Variants in SGIP1 observed in about 807,000 individuals in gnomAD.
SGIP1 encodes the protein SH3-containing GRB2-like protein 3-interacting protein 1.
In SGIP1, 38 loss-of-function variants were observed where a neutral mutation model predicts 107.5. The ratio of observed to expected loss-of-function variants is 0.35; its 90% CI spans 0.27 to 0.46. The LOEUF (loss-of-function observed/expected upper bound fraction) is 0.46, where lower values mean the gene tolerates loss of function less well. Among genes scored for constraint, SGIP1 ranks in the 20% least tolerant of loss-of-function variants. SGIP1 has a pLI of 1.00. For missense variants in SGIP1, 929 were observed against 1,019.5 expected, an observed-to-expected ratio of 0.91 and a Z score of 1.21; for synonymous variants, 365 against 366.1, an observed-to-expected ratio of 1.00 and a Z score of 0.03.
chr1:66,705,869 G>A (rs796541216), intron 18 of SGIP1, among the ~76,000 whole-genome samples: 11 of 152,090 alleles, frequency 7.2e-5, no homozygotes, highest in East Asian at 1.9e-4. Flanking sequence ...GGGGCCTGTC[G>A]GGAGTTGGGA....
chr1:66,620,013 A>C (rs2070534337), intron 1 of SGIP1, among the ~76,000 whole-genome samples: 1 of 152,230 alleles, frequency 6.6e-6, no homozygotes, highest in African/African-American at 2.4e-5. Flanking sequence ...GGTTTCCTCT[A>C]AACAATTCTC....
At chr1:66,695,593 T>C in intron 18 of SGIP1, 100 bp downstream of exon 18, 2 of 1,127,880 alleles carry the variant, frequency 1.8e-6, no homozygotes, top group Non-Finnish European at 2.5e-6. Flanking sequence ...AAAGTTCTGG[T>C]CTCACTTTCT....
rs547959054 is a variant in SGIP1 at position 66,557,078 on chromosome 1, C to G, written c.10+22710C>G. Among the ~76,000 whole-genome samples, 162 of 152,162 alleles carry G rather than the reference C, an allele frequency of 1.1e-3. 5 individuals carry two copies. The South Asian group carries it at 0.033, about 31-fold the overall frequency. On this transcript the variant is annotated intron_variant, in intron 1 of 24. Coordinates refer to ENST00000371037, the MANE Select transcript of SGIP1 (RefSeq NM_032291.4). The stretch of plus-strand genomic sequence containing the variant: ...CCCTGAGATGTGACTATGAATCATC[C>G]ACTTAGGGATGCAGAGGTTTAGGTG...
chr1:66,624,605 G>A (rs1026835698), intron 1 of SGIP1, among the ~76,000 whole-genome samples: 1 of 152,154 alleles, frequency 6.6e-6, no homozygotes, highest in African/African-American at 2.4e-5. Context: ...TAGTCTGAGT[G>A]GTTTGGGCTG....
At chr1:66,563,984 C>G (rs1439008602) in intron 1 of SGIP1, among the ~76,000 whole-genome samples, 1 of 151,982 alleles carries the variant, frequency 6.6e-6, no homozygotes, top group Non-Finnish European at 1.5e-5. Context: ...TTGTTAAACC[C>G]AGACTGTAAG....
At chr1:66,638,005 C>G (rs1178649939) in intron 4 of SGIP1, among the ~76,000 whole-genome samples, 1 of 151,702 alleles carries the variant, frequency 6.6e-6, no homozygotes, top group Non-Finnish European at 1.5e-5. Context: ...AGTAATTTAT[C>G]TAATCTGTGG....
intron 19 of SGIP1, among the ~76,000 whole-genome samples, chr1:66,724,665 A>G (rs1272942741): frequency 6.6e-6 from 1 of 152,198 alleles, no homozygotes; most frequent in East Asian, 1.9e-4. Flanking sequence ...TGGAAAAAAT[A>G]ACAAGAACAA....
intron 7 of SGIP1, among the ~76,000 whole-genome samples, chr1:66,646,653 G>A (rs543987296): frequency 1.3e-5 from 2 of 152,244 alleles, no homozygotes; most frequent in East Asian, 1.9e-4. Context: ...AATGAAATGG[G>A]AGGAATGAAT....
chr1:66,577,756 CTGTGTGTGTGTG>C (rs6143251), intron 1 of SGIP1, among the ~76,000 whole-genome samples: 25 of 145,074 alleles, frequency 1.7e-4, no homozygotes, highest in African/African-American at 4.5e-4. Flanking sequence ...TAATGCAGTC[CTGTGTGTGTGTG>C]TGTGTGTGTG....
intron 15 of SGIP1, chr1:66,684,273 T>C: frequency 2.0e-6 from 3 of 1,536,216 alleles, no homozygotes; most frequent in Non-Finnish European, 2.6e-6. Context: ...TCCAAACTTA[T>C]TTGACTACTG....
intron 18 of SGIP1, among the ~76,000 whole-genome samples, chr1:66,710,280 TC>T (rs2092824859): frequency 6.6e-6 from 1 of 152,172 alleles, no homozygotes; most frequent in East Asian, 1.9e-4. Flanking sequence ...TTTCTACATT[TC>T]TTTTTATTAT....
intron 1 of SGIP1, among the ~76,000 whole-genome samples, chr1:66,551,367 G>C (rs1040261048): frequency 6.6e-6 from 1 of 152,086 alleles, no homozygotes. Flanking sequence ...TCTATTGGGC[G>C]CATCTCCTAC....
At chr1:66,630,879 GAAAGAAA>G (rs1558133919) in intron 2 of SGIP1, among the ~76,000 whole-genome samples, 24 of 45,944 alleles carry the variant, frequency 5.2e-4, no homozygotes, top group East Asian at 2.1e-3. Context: ...AAGAAAGAAA[GAAAGAAA>G]GAAAGAAAGA....
In SGIP1 at chr1:66,690,242, C is replaced by G. The variant is rs753590678; in HGVS notation, c.1496C>G (p.Pro499Arg). Residue 499 changes from proline (P) to arginine (R), a missense_variant, in exon 17 of 25, where the codon CCC becomes CGC. Transcript: ENST00000371037. ...TCTTCCAGCCCTCCTCCAATAGCAC[C>G]CTTAGCGCGGGCTGAAAGCACTTCT... ...IHSSSPPPIA[P>R]LARAESTSSI... is the part of the protein sequence containing the mutation. 1 of 1,614,132 alleles carries G rather than the reference C, an allele frequency of 6.2e-7. No homozygotes were observed. Among genetic ancestry groups the G allele is most frequent in the Admixed American group, 1.7e-5 (1 of 60,018 alleles).
At chr1:66,554,504 G>A (rs1275359829) in intron 1 of SGIP1, among the ~76,000 whole-genome samples, 1 of 152,068 alleles carries the variant, frequency 6.6e-6, no homozygotes, top group Non-Finnish European at 1.5e-5. Flanking sequence ...AAATTTTTGA[G>A]AGGTAACATG....
chr1:66,684,810 G>A (rs1270366882), intron 15 of SGIP1, among the ~76,000 whole-genome samples: 1 of 152,186 alleles, frequency 6.6e-6, no homozygotes, highest in East Asian at 1.9e-4. Flanking sequence ...TGAGAGTTTT[G>A]TTGTGATTTT....
rs534935196 is a variant in SGIP1, at chr1:66,748,562, A to T, written c.*5467A>T. 1.3e-5 allele frequency among the ~76,000 whole-genome samples: 2 copies of T among 152,038 alleles called. No individual in the cohort carries two copies. Among genetic ancestry groups the T allele is most frequent in the African/African-American group, 4.8e-5 (2 of 41,540 alleles). On this transcript the variant is annotated 3_prime_UTR_variant, in exon 25 of 25. Coordinates refer to ENST00000371037, the MANE Select transcript of SGIP1 (RefSeq NM_032291.4). ...TATAATAATTTATTCTCTAGGTTTA[A>T]CTTCTAAAATTATTTTTCCTTTGAT...
At chr1:66,563,794 G>A (rs2059285178) in intron 1 of SGIP1, among the ~76,000 whole-genome samples, 1 of 151,842 alleles carries the variant, frequency 6.6e-6, no homozygotes. Context: ...TGTGGTAGTT[G>A]AAGAGAAAGA....
intron 1 of SGIP1, among the ~76,000 whole-genome samples, chr1:66,602,224 A>G (rs1027254681): frequency 6.6e-6 from 1 of 152,218 alleles, no homozygotes; most frequent in African/African-American, 2.4e-5. Flanking sequence ...TGGGTGGGTG[A>G]CAGAAAGAAC....
Sources: gnomAD v4.1 joint callset for allele counts (sites outside exome capture counted in the v4.1 genomes callset) on GRCh38, gnomAD v4.1.1 for gene constraint, MANE v1.5 for transcripts, NCBI Gene and HGNC (gene_info 2026-07-23, HGNC 2026-07-21) for gene names.